The following FBN3 variants were observed in gnomAD, a reference collection of about 807,000 sequenced individuals.
The protein encoded by FBN3 is fibrillin-3.
In FBN3, 234 loss-of-function variants were observed where a neutral mutation model predicts 330.1. That is an observed-to-expected ratio of 0.71 (90% CI 0.64 to 0.79). The LOEUF (loss-of-function observed/expected upper bound fraction) is 0.79, where lower values mean the gene tolerates loss of function less well. Ranked by LOEUF, FBN3 falls within the 30% of genes least tolerant of loss-of-function variation. The pLI is 0.00. For missense variants in FBN3, 3,606 were observed against 3,886.9 expected (o/e 0.93, Z 1.92); for synonymous variants, 1,458 against 1,517.3 (o/e 0.96, Z 0.91).
Position 8,133,111 on chromosome 19 carries a change from G to A in FBN3, c.1592-5C>T, listed in dbSNP as rs2083190343. 1.9e-6 allele frequency: 3 copies of A among 1,569,238 alleles called. No homozygotes were observed. Among genetic ancestry groups the A allele is most frequent in the Non-Finnish European group, 2.6e-6 (3 of 1,158,324 alleles). ...TGGTGGCACACTCGTTGTGGTCTGG[G>A]GACAACAGCAGAGGCTGGGTCCAGG... is the stretch of plus-strand genomic sequence containing the variant. On this transcript the variant is annotated splice_region_variant and splice_polypyrimidine_tract_variant and intron_variant, in intron 13 of 63. Coordinates refer to ENST00000600128, the MANE Select transcript of FBN3 (RefSeq NM_032447.5).
intron 51 of FBN3, 40 bp from the exon 52 acceptor site, chr19:8,088,219 T>G (rs2082012608): frequency 1.3e-6 from 2 of 1,546,802 alleles, no homozygotes; most frequent in African/African-American, 2.7e-5. Context: ...CTGCAGAGGG[T>G]CCCCCATCCT....
intron 59 of FBN3, among the ~76,000 whole-genome samples, chr19:8,076,453 T>C (rs1042629282): frequency 6.6e-6 from 1 of 152,054 alleles, no homozygotes; most frequent in Admixed American, 6.6e-5. Context: ...CTGACCAACA[T>C]GGTGAAGCCC....
Position 8,135,943 on chromosome 19 carries a change from C to A in FBN3, c.1591+18G>T, listed in dbSNP as rs373075037. The A allele has an allele frequency of 1.5e-5, 7 of 481,654 alleles. No individual in the cohort carries two copies. The highest frequency in any genetic ancestry group is 8.3e-5 in the South Asian group (5 of 60,446). 29.8% of individuals were successfully genotyped at this position (481,654 alleles called of 1,614,324 possible). On this transcript the variant is annotated intron_variant, in intron 13 of 63. Coordinates refer to ENST00000600128, the MANE Select transcript of FBN3 (RefSeq NM_032447.5). Reference sequence around the variant, plus strand: ...TGGGGCCCGGAAGCCCCTGCCCACCCGCCCACCCCCAACTCACCCACACAG... The same window carrying A: ...TGGGGCCCGGAAGCCCCTGCCCACCAGCCCACCCCCAACTCACCCACACAG...
intron 47 of FBN3, among the ~76,000 whole-genome samples, chr19:8,092,863 T>C (rs1315760875): frequency 1.3e-5 from 2 of 151,962 alleles, no homozygotes; most frequent in African/African-American, 4.8e-5. Flanking sequence ...TCTATGAGGA[T>C]GCAAAGGCAT....
chr19:8,083,227 G>A lies in FBN3; in HGVS notation c.7213+20C>T, dbSNP rs2081848103. The A allele has an allele frequency of 1.9e-6, 3 of 1,613,760 alleles. No homozygotes were observed. Among genetic ancestry groups the A allele is most frequent in the Non-Finnish European group, 2.5e-6 (3 of 1,179,970 alleles). On this transcript the variant is annotated intron_variant, in intron 57 of 63. Coordinates refer to ENST00000600128, the MANE Select transcript of FBN3 (RefSeq NM_032447.5). ...TGGCCAGGCTGGGCCAAGGGTGCAG[G>A]TGCAGAGGGCTGGGCTCACCCAGGC...
At chr19:8,135,936 G>GGGGGGGGGCC in intron 13 of FBN3, 25 bp downstream of exon 13, 1 of 668,774 alleles carries the variant, frequency 1.5e-6, no homozygotes, top group Non-Finnish European at 2.4e-6. Flanking sequence ...GGAAGCCCCT[G>GGGGGGGGGCC]CCCACCCGCC....
intron 8 of FBN3, among the ~76,000 whole-genome samples, chr19:8,139,384 A>G (rs1289678811): frequency 1.3e-5 from 2 of 152,066 alleles, no homozygotes; most frequent in Admixed American, 6.6e-5. Flanking sequence ...AGTTTGACAT[A>G]TGGCCAATGC....
chr19:8,112,373 G>A (rs993496177), intron 30 of FBN3, among the ~76,000 whole-genome samples: 2 of 152,180 alleles, frequency 1.3e-5, no homozygotes, highest in African/African-American at 2.4e-5. Context: ...CCAGCCGGGT[G>A]CGGTGGCTCA....
intron 58 of FBN3, 48 bp downstream of exon 58, chr19:8,081,310 T>C: frequency 6.4e-7 from 1 of 1,567,764 alleles, no homozygotes; most frequent in Non-Finnish European, 8.6e-7. Flanking sequence ...TTTGGGGCCC[T>C]AGACTGCATG....
At position 8,102,734 on chromosome 19, in the gene FBN3, A is replaced by G. The variant is rs2082353334; in HGVS notation, c.5079T>C (p.Thr1693=). The change falls in exon 40 of 64, where the codon ACT becomes ACC. Residue 1693 remains threonine (T), a synonymous_variant. Transcript: ENST00000600128. ...AWNRPCEACP[T]PISPDYQILC... Reference sequence around the variant, plus strand: ...GGGAGGGTTACTCACGACTGATGGGAGTGGGGCAGGCCTCACAGGGTCTAT... The same window carrying G: ...GGGAGGGTTACTCACGACTGATGGGGGTGGGGCAGGCCTCACAGGGTCTAT... 16 of 1,613,128 alleles carry G rather than the reference A, an allele frequency of 9.9e-6. No homozygotes were observed. The highest frequency in any genetic ancestry group is 1.4e-5 in the Non-Finnish European group (16 of 1,179,588).
At position 8,126,873 on chromosome 19, in the gene FBN3, G is replaced by A. The variant is rs769267100; in HGVS notation, c.2297-41C>T. On this transcript the variant is annotated intron_variant, in intron 18 of 63. Coordinates refer to ENST00000600128, the MANE Select transcript of FBN3 (RefSeq NM_032447.5). ...CCCACCAGGTCCTGAGCTGCAGGAG[G>A]AGTTGCCTTACCTGGCCAGGACCCC... 2.0e-6 allele frequency: 3 copies of A among 1,514,356 alleles called. No individual in the cohort carries two copies. The South Asian group carries it at 4.0e-5, about 20-fold the overall frequency. The allele number at this position is 1,514,356 out of a possible 1,614,324, so 93.8% of individuals were successfully genotyped here. A position where few individuals can be genotyped will look rare whatever the true frequency, so the allele number is the denominator to read the frequency against.
intron 8 of FBN3, 60 bp from the exon 9 acceptor site, chr19:8,138,624 CA>C: frequency 6.7e-7 from 1 of 1,499,890 alleles, no homozygotes. Flanking sequence ...GACCTGGATC[CA>C]AATTCCAGCT....
chr19:8,074,879 A>G (rs540090040), intron 61 of FBN3, 192 bp downstream of exon 61: 1 of 641,618 alleles, frequency 1.6e-6, no homozygotes, highest in East Asian at 3.1e-5. Flanking sequence ...ATGAACTCAG[A>G]CACTTTTTGA....
intron 20 of FBN3, 59 bp from the exon 21 acceptor site, chr19:8,126,406 G>A (rs1192970911): frequency 4.4e-6 from 7 of 1,588,654 alleles, no homozygotes; most frequent in Admixed American, 3.7e-5. Context: ...AGCCCAAGGG[G>A]GGACCCGCCC....
intron 59 of FBN3, among the ~76,000 whole-genome samples, chr19:8,078,943 A>G (rs1034792440): frequency 1.3e-5 from 2 of 151,848 alleles, no homozygotes; most frequent in African/African-American, 4.8e-5. Flanking sequence ...CACCACCTCT[A>G]GCTAATTTTG....
At chr19:8,094,619 C>G (rs2082172309) in intron 46 of FBN3, 54 bp from the exon 47 acceptor site, 1 of 1,578,986 alleles carries the variant, frequency 6.3e-7, no homozygotes, top group Admixed American at 1.7e-5. Context: ...AGGGGGCTCA[C>G]TTGGGACTGG....
At chr19:8,104,100 G>C (rs1194674958) in intron 38 of FBN3, among the ~76,000 whole-genome samples, 1 of 150,906 alleles carries the variant, frequency 6.6e-6, no homozygotes, top group African/African-American at 2.4e-5. Context: ...ACTCCAGCCT[G>C]GGTGCAGAAT....
At position 8,100,912 on chromosome 19, in the gene FBN3, C is replaced by T; in HGVS notation, c.5150G>A (p.Gly1717Glu). 1.2e-6 allele frequency: 2 copies of T among 1,613,670 alleles called. No individual in the cohort carries two copies. The highest frequency in any genetic ancestry group is 2.2e-5 in the East Asian group (1 of 44,810). Reference sequence around the variant, plus strand: ...GACCACTCACTCACCAAGGGGCTTCCCCGTGTGGATGTCAGTGAGGAATCC... The same window carrying T: ...GACCACTCACTCACCAAGGGGCTTCTCCGTGTGGATGTCAGTGAGGAATCC... ...APGFLTDIHT[G>E]KPLDIDECGE... Residue 1717 changes from glycine to glutamate, a missense_variant, in exon 41 of 64, where the codon GGG (glycine) becomes GAG (glutamate). Physicochemically the swap from Gly to Glu is moderately conservative, Grantham distance 98 (BLOSUM62 -2). Coordinates refer to ENST00000600128, the MANE Select transcript of FBN3 (RefSeq NM_032447.5).
chr19:8,120,232 C>T (rs1457541144), intron 25 of FBN3, among the ~76,000 whole-genome samples: 18 of 147,548 alleles, frequency 1.2e-4, no homozygotes, highest in Non-Finnish European at 2.1e-4. Flanking sequence ...TGCAGTGGCG[C>T]GATCTCGGCT....
Sources: allele counts gnomAD v4.1 joint callset (sites outside exome capture counted in the v4.1 genomes callset), GRCh38; gene constraint gnomAD v4.1.1; transcripts MANE v1.5; gene names NCBI Gene and HGNC (gene_info 2026-07-23, HGNC 2026-07-21).